Variants in DOCK2 observed in about 807,000 individuals in gnomAD.
The protein encoded by DOCK2 is dedicator of cytokinesis 2, also known as dedicator of cytokinesis protein 2.
Under a neutral mutation model 248.9 loss-of-function variants are expected in DOCK2, and 87 were observed. That is an observed-to-expected ratio of 0.35 (90% CI 0.29 to 0.42). The LOEUF is 0.42. Among genes scored for constraint, DOCK2 ranks in the 10% least tolerant of loss-of-function variants. The pLI is 1.00. For missense variants in DOCK2, 1,747 were observed against 2,300.2 expected (o/e 0.76, Z 4.92); for synonymous variants, 805 against 821.6 (o/e 0.98, Z 0.35).
At chr5:169,954,027 G>C (rs1383715552) in intron 27 of DOCK2, among the ~76,000 whole-genome samples, 2 of 152,188 alleles carry the variant, frequency 1.3e-5, no homozygotes, top group African/African-American at 4.8e-5. Context: ...CTATACTCTG[G>C]TTCTAGAGCA....
chr5:169,952,358 A>G (rs2113727772), intron 27 of DOCK2, among the ~76,000 whole-genome samples: 1 of 152,176 alleles, frequency 6.6e-6, no homozygotes, highest in South Asian at 2.1e-4. Context: ...TCCTTTCTCC[A>G]AGTAACTCAA....
In DOCK2 at chr5:170,042,000, C is replaced by T. The variant is rs1472959645; in HGVS notation, c.3757-13C>T. The T allele has an allele frequency of 1.9e-6, 3 of 1,612,446 alleles. No individual in the cohort carries two copies. Among genetic ancestry groups the T allele is most frequent in the Non-Finnish European group, 2.5e-6 (3 of 1,179,138 alleles). On this transcript the variant is annotated splice_polypyrimidine_tract_variant and intron_variant, in intron 37 of 51. Coordinates refer to ENST00000520908, the MANE Select transcript of DOCK2 (RefSeq NM_004946.3). Reference sequence around the variant, plus strand: ...CTCGGCCCTGTGTGACTTCCTGTGTCTTCTCTTCACAGTGGTCGGATGAGC... The same window carrying T: ...CTCGGCCCTGTGTGACTTCCTGTGTTTTCTCTTCACAGTGGTCGGATGAGC...
At chr5:170,044,157 C>G (rs1756613890) in intron 38 of DOCK2, among the ~76,000 whole-genome samples, 1 of 152,214 alleles carries the variant, frequency 6.6e-6, no homozygotes, top group South Asian at 2.1e-4. Flanking sequence ...CACATGCTGG[C>G]TTTCTACTCC....
intron 29 of DOCK2, among the ~76,000 whole-genome samples, chr5:169,987,476 A>G (rs1778097253): frequency 6.6e-6 from 1 of 152,230 alleles, no homozygotes; most frequent in Non-Finnish European, 1.5e-5. Flanking sequence ...AAAGAGGACT[A>G]AATAATGGGC....
chr5:169,862,844 A>G (rs946607759), intron 27 of DOCK2, among the ~76,000 whole-genome samples: 28 of 152,220 alleles, frequency 1.8e-4, no homozygotes, highest in African/African-American at 6.3e-4. Context: ...TCCCACGAAC[A>G]CACAGGATTC....
intron 46 of DOCK2, among the ~76,000 whole-genome samples, chr5:170,073,620 T>G (rs186726800): frequency 6.6e-6 from 1 of 152,288 alleles, no homozygotes; most frequent in Admixed American, 6.5e-5. Flanking sequence ...CAAAATTTTG[T>G]GGTTTTCACA....
chr5:169,918,559 G>A (rs1775001706), intron 27 of DOCK2, among the ~76,000 whole-genome samples: 2 of 152,214 alleles, frequency 1.3e-5, no homozygotes, highest in African/African-American at 4.8e-5. Flanking sequence ...GACATGTCCT[G>A]AGGGGAAATA....
At chr5:169,938,561 T>A (rs529970773) in intron 27 of DOCK2, among the ~76,000 whole-genome samples, 2 of 152,300 alleles carry the variant, frequency 1.3e-5, no homozygotes, top group Admixed American at 1.3e-4. Flanking sequence ...AAATAAAAAA[T>A]GGTCCACCTG....
rs566107879 is a variant in DOCK2 at position 169,674,510 on chromosome 5, C to A, written c.470+65C>A. On this transcript the variant is annotated intron_variant, in intron 6 of 51. Coordinates refer to ENST00000520908, the MANE Select transcript of DOCK2 (RefSeq NM_004946.3). ...AGCCATCCTCTTTCTTCCCTCTCTC[C>A]CCAGAAGCTTGTTTTCATTTTTAGA... 918 of 1,579,034 alleles carry A rather than the reference C, an allele frequency of 5.8e-4. 17 individuals are homozygous for A. The South Asian group carries it at 0.01, about 17-fold the overall frequency.
At chr5:169,713,421 T>C (rs1364819055) in intron 17 of DOCK2, among the ~76,000 whole-genome samples, 1 of 152,238 alleles carries the variant, frequency 6.6e-6, no homozygotes, top group Non-Finnish European at 1.5e-5. Context: ...CTACCTCTAG[T>C]CATTCATTTT....
chr5:169,983,075 T>C lies in DOCK2; in HGVS notation c.2807T>C (p.Phe936Ser), dbSNP rs1048722934. ...TGTCTTCATTTCTTGCAGAGTCACT[T>C]TGTGGCATGTATGACAGCCATCTTA... ...MGRDHILISH[F>S]VACMTAILNQ... Residue 936 changes from phenylalanine to serine, a missense_variant, in exon 28 of 52, where the codon TTT becomes TCT. By Grantham distance (155) the Phe-to-Ser change is radical. This residue lies in a region of DOCK2 where 858 missense variants were observed against 1,183.5 expected (regional missense o/e 0.72). Coordinates refer to ENST00000520908, the MANE Select transcript of DOCK2 (RefSeq NM_004946.3). 1.2e-6 allele frequency: 2 copies of C among 1,614,014 alleles called. No individual in the cohort carries two copies. The highest frequency in any genetic ancestry group is 2.2e-5 in the East Asian group (1 of 44,886).
intron 26 of DOCK2, among the ~76,000 whole-genome samples, chr5:169,819,589 C>A (rs145073163): frequency 2.0e-5 from 3 of 152,330 alleles, no homozygotes; most frequent in African/African-American, 7.2e-5. Context: ...CCACTGCACT[C>A]CAGCCTGGGT....
At position 169,996,177 on chromosome 5, in the gene DOCK2, CA is replaced by C; in HGVS notation, c.3072+14del. ...CTTTGAGTTCCAGGTGAGTATAAGC[CA>C]CCAGAGCTACCCTTGGAGCTGCCCA... On this transcript the variant is annotated intron_variant, in intron 30 of 51. Coordinates refer to ENST00000520908, the MANE Select transcript of DOCK2 (RefSeq NM_004946.3). 1 of 1,613,062 alleles carries C rather than the reference CA, an allele frequency of 6.2e-7. No homozygotes were observed.
At chr5:169,985,137 T>C (rs933434604) in intron 28 of DOCK2, among the ~76,000 whole-genome samples, 1 of 152,132 alleles carries the variant, frequency 6.6e-6, no homozygotes, top group Non-Finnish European at 1.5e-5. Context: ...TCTCTTGACC[T>C]CATGATCCAC....
At chr5:169,819,025 T>C (rs1768248772) in intron 26 of DOCK2, among the ~76,000 whole-genome samples, 2 of 152,194 alleles carry the variant, frequency 1.3e-5, no homozygotes, top group African/African-American at 4.8e-5. Flanking sequence ...AATACAGTCG[T>C]CAAATGTATT....
intron 27 of DOCK2, among the ~76,000 whole-genome samples, chr5:169,938,896 CT>C (rs540935886): frequency 6.9e-6 from 1 of 145,008 alleles, no homozygotes; most frequent in Non-Finnish European, 1.5e-5. Context: ...ATTTTTCTTT[CT>C]TTTTTTTCTT....
chr5:170,002,974 C>T lies in DOCK2; in HGVS notation c.3073-5523C>T, dbSNP rs188982392. Among the ~76,000 whole-genome samples the T allele has an allele frequency of 4.6e-5, 7 of 152,234 alleles. No homozygotes were observed. In the East Asian group the frequency reaches 5.8e-4, roughly 13 times the overall value. On this transcript the variant is annotated intron_variant, in intron 30 of 51. Transcript: ENST00000520908. Reference sequence around the variant, plus strand: ...CCTTTGAAGAATTTCTCTGACAATACGGCAATAGATAAATAAATATTCTCA... The same window carrying T: ...CCTTTGAAGAATTTCTCTGACAATATGGCAATAGATAAATAAATATTCTCA...
chr5:169,711,742 G>C (rs767471980), intron 15 of DOCK2, among the ~76,000 whole-genome samples, 193 bp from the exon 16 acceptor site: 1 of 152,124 alleles, frequency 6.6e-6, no homozygotes. Flanking sequence ...GATTACATTT[G>C]GTACTTTATT....
At chr5:169,663,166 T>C (rs1758538257) in intron 2 of DOCK2, among the ~76,000 whole-genome samples, 1 of 152,226 alleles carries the variant, frequency 6.6e-6, no homozygotes, top group South Asian at 2.1e-4. Context: ...CATTGAATCA[T>C]AAAGCTCTAA....
Sources: gnomAD v4.1 joint callset for allele counts (sites outside exome capture counted in the v4.1 genomes callset) on GRCh38, gnomAD v4.1.1 for gene constraint, gnomAD v4.1.1 regional missense constraint, MANE v1.5 for transcripts, NCBI Gene and HGNC (gene_info 2026-07-23, HGNC 2026-07-21) for gene names.